The following RBFOX1 variants were observed in gnomAD, a reference collection of about 807,000 sequenced individuals.
The protein encoded by RBFOX1 is RNA binding fox-1 homolog 1, also known as RNA binding protein fox-1 homolog 1.
A neutral mutation model predicts 57.7 loss-of-function variants in RBFOX1; 8 were observed. That is an observed-to-expected ratio of 0.14 (90% CI 0.08 to 0.25). RBFOX1 has a LOEUF of 0.25. RBFOX1 is among the 10% of genes least tolerant of loss of function. RBFOX1 has a pLI of 1.00. For missense variants in RBFOX1, 611 were observed against 548.5 expected, an observed-to-expected ratio of 1.11 and a Z score of -1.14; for synonymous variants, 326 against 222.4, an observed-to-expected ratio of 1.47 and a Z score of -4.15.
intron 1 of RBFOX1, among the ~76,000 whole-genome samples, chr16:6,058,057 C>G (rs1248381218): frequency 6.6e-6 from 1 of 151,828 alleles, no homozygotes; most frequent in Non-Finnish European, 1.5e-5. Flanking sequence ...GGAGGCAGTG[C>G]CAAAGGAGCA....
At chr16:5,748,609 C>T (rs1460252385) in intron 3 of RBFOX1, among the ~76,000 whole-genome samples, 5 of 152,044 alleles carry the variant, frequency 3.3e-5, no homozygotes. Flanking sequence ...TGAATTGATC[C>T]CTTTACCATT....
chr16:6,866,604 C>T (rs574794315), intron 3 of RBFOX1, among the ~76,000 whole-genome samples: 45 of 122,414 alleles, frequency 3.7e-4, no homozygotes, highest in African/African-American at 1.2e-3. Flanking sequence ...TGCAGTGGTG[C>T]GATCTCGGCT....
chr16:6,402,520 T>C (rs1002262158), intron 2 of RBFOX1, among the ~76,000 whole-genome samples: 5 of 152,214 alleles, frequency 3.3e-5, no homozygotes, highest in Admixed American at 1.3e-4. Flanking sequence ...AGTCTTTTTC[T>C]CCAAATGGTA....
chr16:6,633,253 C>G (rs1645520932), intron 2 of RBFOX1, among the ~76,000 whole-genome samples: 1 of 152,040 alleles, frequency 6.6e-6, no homozygotes, highest in African/African-American at 2.4e-5. Context: ...AATAGGTGCA[C>G]AGAAAGTGTT....
rs375274954 is a variant in RBFOX1, at chr16:6,735,096, G to A, written c.-16+80446G>A. On this transcript the variant is annotated intron_variant, in intron 3 of 15. Transcript: ENST00000550418. ...GGAAGTCAAGGCTTCAGCGAGCCATGATTAAACAACTGTATACACTCCAGC... is the reference window on the plus strand; with the variant it reads ...GGAAGTCAAGGCTTCAGCGAGCCATAATTAAACAACTGTATACACTCCAGC... Among the ~76,000 whole-genome samples the A allele has an allele frequency of 1.2e-4, 18 of 152,208 alleles. No individual in the cohort carries two copies. The South Asian group carries it at 3.7e-3, about 32-fold the overall frequency.
intron 1 of RBFOX1, among the ~76,000 whole-genome samples, chr16:6,034,183 A>T (rs2095330283): frequency 6.6e-6 from 1 of 151,710 alleles, no homozygotes; most frequent in Non-Finnish European, 1.5e-5. Context: ...AAAAATACAA[A>T]AATTAGCTGG....
chr16:6,906,034 C>G (rs1596766949), intron 3 of RBFOX1, among the ~76,000 whole-genome samples: 1 of 152,064 alleles, frequency 6.6e-6, no homozygotes, highest in African/African-American at 2.4e-5. Flanking sequence ...GGCAGAATGC[C>G]CAGTAGAATC....
At position 7,029,505 on chromosome 16, in the gene RBFOX1, C is replaced by G. The variant is rs368909781; in HGVS notation, c.-15-22552C>G. Among the ~76,000 whole-genome samples, 76 of 151,876 alleles carry G rather than the reference C, an allele frequency of 5.0e-4. 2 individuals carry two copies. In the East Asian group the frequency reaches 0.012, roughly 23 times the overall value. On this transcript the variant is annotated intron_variant, in intron 3 of 15. Coordinates refer to ENST00000550418, the MANE Select transcript of RBFOX1 (RefSeq NM_018723.4). ...GGTGACAAAGTCAGTGTTGGTGAAGCAGAATGAAGAGAGTGCTAGCTCTTA... is the reference window on the plus strand; with the variant it reads ...GGTGACAAAGTCAGTGTTGGTGAAGGAGAATGAAGAGAGTGCTAGCTCTTA...
At chr16:7,303,342 C>T (rs2096077880) in intron 4 of RBFOX1, among the ~76,000 whole-genome samples, 1 of 152,164 alleles carries the variant, frequency 6.6e-6, no homozygotes, top group African/African-American at 2.4e-5. Context: ...CCTAACGTCT[C>T]AGCACTCCAC....
chr16:7,016,107 G>T (rs1376326172), intron 3 of RBFOX1, among the ~76,000 whole-genome samples: 1 of 152,100 alleles, frequency 6.6e-6, no homozygotes, highest in African/African-American at 2.4e-5. Context: ...GCTTAGTAAA[G>T]TTCATCACTT....
At position 6,301,337 on chromosome 16, in the gene RBFOX1, G is replaced by T. The variant is rs376263276; in HGVS notation, c.-126-15658G>T. Reference sequence around the variant, plus strand: ...TAAGTGGGCTTTTGTTTGTTTGTTTGTTTGTTTTTCCAATTGCCTAGATAG... The same window carrying T: ...TAAGTGGGCTTTTGTTTGTTTGTTTTTTTGTTTTTCCAATTGCCTAGATAG... On this transcript the variant is annotated intron_variant, in intron 1 of 15. Coordinates refer to ENST00000550418, the MANE Select transcript of RBFOX1 (RefSeq NM_018723.4). Among the ~76,000 whole-genome samples, 16 of 152,238 alleles carry T rather than the reference G, an allele frequency of 1.1e-4. No homozygotes were observed. In the East Asian group the frequency reaches 2.7e-3, roughly 26 times the overall value.
intron 4 of RBFOX1, among the ~76,000 whole-genome samples, chr16:7,355,381 T>G (rs2097196773): frequency 6.6e-6 from 1 of 152,172 alleles, no homozygotes; most frequent in African/African-American, 2.4e-5. Flanking sequence ...AGAGTAAAGT[T>G]TGTGGCTCTG....
intron 4 of RBFOX1, among the ~76,000 whole-genome samples, chr16:7,331,432 A>C (rs2096693381): frequency 6.6e-6 from 1 of 152,158 alleles, no homozygotes; most frequent in African/African-American, 2.4e-5. Context: ...ATTGCTTTCA[A>C]AATTGTGGAA....
chr16:7,433,018 C>T (rs1278825389), intron 4 of RBFOX1, among the ~76,000 whole-genome samples: 3 of 152,114 alleles, frequency 2.0e-5, no homozygotes, highest in Admixed American at 6.5e-5. Flanking sequence ...TCTTGTAGCC[C>T]CCAGCAAATG....
chr16:6,232,164 A>T lies in RBFOX1; in HGVS notation c.-126-84831A>T, dbSNP rs180874460. 1.3e-3 allele frequency among the ~76,000 whole-genome samples: 191 copies of T among 152,340 alleles called. 1 individual carries two copies. The highest frequency in any genetic ancestry group is 2.4e-3 in the Non-Finnish European group (166 of 68,036). ...GTGCTCATTTTGCAAGGGCAGCAGC[A>T]TAATTGGACACAGTGGGGAAACAGC... is the stretch of plus-strand genomic sequence containing the variant. On this transcript the variant is annotated intron_variant, in intron 1 of 15. Transcript: ENST00000550418.
At chr16:7,394,235 CAAAAAAAAAAAAAAAAA>C (rs59934126) in intron 4 of RBFOX1, among the ~76,000 whole-genome samples, 6 of 55,024 alleles carry the variant, frequency 1.1e-4, no homozygotes, top group African/African-American at 2.5e-4. Context: ...GACTCCGCAT[CAAAAAAAAAAAAAAAAA>C]AAAAAAAAAA....
chr16:6,231,241 T>TGTAG (rs1567730288), intron 1 of RBFOX1, among the ~76,000 whole-genome samples: 2 of 128,360 alleles, frequency 1.6e-5, no homozygotes, highest in African/African-American at 5.9e-5. Context: ...TGTGTGTAGG[T>TGTAG]GTGTGTGTGT....
intron 4 of RBFOX1, among the ~76,000 whole-genome samples, chr16:7,207,735 C>G (rs1286871970): frequency 1.3e-5 from 2 of 152,194 alleles, no homozygotes; most frequent in African/African-American, 4.8e-5. Context: ...AGGCAGTTGC[C>G]TCCAACACAG....
At chr16:7,172,443 A>G (rs1406069784) in intron 4 of RBFOX1, among the ~76,000 whole-genome samples, 2 of 152,208 alleles carry the variant, frequency 1.3e-5, no homozygotes, top group African/African-American at 4.8e-5. Context: ...GATAAAATAT[A>G]CATATTTCTC....
Sources: gnomAD v4.1 joint callset for allele counts (sites outside exome capture counted in the v4.1 genomes callset) on GRCh38, gnomAD v4.1.1 for gene constraint, MANE v1.5 for transcripts, NCBI Gene and HGNC (gene_info 2026-07-23, HGNC 2026-07-21) for gene names.